Variants in EYS observed in about 807,000 individuals in gnomAD.
EYS encodes EGF-like photoreceptor maintenance factor.
In EYS, 250 loss-of-function variants were observed where a neutral mutation model predicts 282.1. The observed-to-expected ratio is 0.89, with a 90% CI of 0.80 to 0.98. The LOEUF (loss-of-function observed/expected upper bound fraction) is 0.98. EYS is among the 50% of genes least tolerant of loss of function. The pLI is 0.00. For synonymous variants in EYS, 1,355 were observed against 1,282.9 expected (o/e 1.06, Z -1.20); for missense variants, 4,016 against 3,709.0 (o/e 1.08, Z -2.15).
chr6:65,369,853 C>T (rs1212047606), intron 8 of EYS, among the ~76,000 whole-genome samples: 1 of 151,622 alleles, frequency 6.6e-6, no homozygotes, highest in Non-Finnish European at 1.5e-5. Flanking sequence ...CTTCAGGGAT[C>T]TTCCTGATTC....
chr6:64,511,879 C>A (rs890348085), intron 26 of EYS, among the ~76,000 whole-genome samples: 4 of 151,888 alleles, frequency 2.6e-5, no homozygotes, highest in African/African-American at 9.7e-5. Context: ...CAGATGCTAG[C>A]TTCCTAAAAT....
At chr6:65,203,715 G>T (rs1453085839) in intron 12 of EYS, among the ~76,000 whole-genome samples, 2 of 151,938 alleles carry the variant, frequency 1.3e-5, no homozygotes, top group Non-Finnish European at 2.9e-5. Context: ...TCCTAGCAAT[G>T]GATCATAACC....
intron 40 of EYS, among the ~76,000 whole-genome samples, chr6:63,769,309 A>G (rs926821815): frequency 1.3e-5 from 2 of 151,938 alleles, no homozygotes; most frequent in Admixed American, 6.6e-5. Context: ...ATAAGCATCT[A>G]GGGACATGGC....
At chr6:64,341,855 C>CAGTT (rs1407715487) in intron 29 of EYS, among the ~76,000 whole-genome samples, 3 of 151,424 alleles carry the variant, frequency 2.0e-5, no homozygotes, top group Non-Finnish European at 4.4e-5. Flanking sequence ...GAATGGTCAC[C>CAGTT]ATGATACACT....
intron 5 of EYS, among the ~76,000 whole-genome samples, chr6:65,477,097 T>A (rs1371731296): frequency 6.6e-6 from 1 of 152,152 alleles, no homozygotes; most frequent in Non-Finnish European, 1.5e-5. Context: ...TCACTGAGTA[T>A]CACAGACAAG....
rs1050623592 is a variant in EYS at position 63,723,562 on chromosome 6, A to G, written c.8234-1765T>C. The stretch of plus-strand genomic sequence containing the variant: ...ATTAGGAAAGCTGAAGCTGTGATCT[A>G]TACTATCACTGGTCATGTTGCCAAC... On this transcript the variant is annotated intron_variant, in intron 42 of 42. Transcript: ENST00000503581. Among the ~76,000 whole-genome samples the G allele has an allele frequency of 3.9e-5, 6 of 152,188 alleles. No individual in the cohort carries two copies. In the East Asian group the frequency reaches 5.8e-4, roughly 15 times the overall value.
At chr6:65,222,206 A>G (rs929334609) in intron 12 of EYS, among the ~76,000 whole-genome samples, 2 of 152,266 alleles carry the variant, frequency 1.3e-5, no homozygotes, top group East Asian at 1.9e-4. Flanking sequence ...ACTTGAGTGC[A>G]TGAGATTTTG....
At chr6:64,362,951 T>C (rs1455058294) in intron 29 of EYS, among the ~76,000 whole-genome samples, 12 of 151,218 alleles carry the variant, frequency 7.9e-5, no homozygotes, top group Admixed American at 7.3e-4. Flanking sequence ...TTTCCTTTCT[T>C]TTTCCTTCTT....
intron 12 of EYS, among the ~76,000 whole-genome samples, chr6:65,235,246 T>G (rs1260451382): frequency 1.3e-5 from 2 of 152,174 alleles, no homozygotes; most frequent in Non-Finnish European, 2.9e-5. Context: ...CTGATTTACT[T>G]TGTTCAAGTT....
At chr6:64,462,010 T>C (rs1036679043) in intron 26 of EYS, among the ~76,000 whole-genome samples, 1 of 152,288 alleles carries the variant, frequency 6.6e-6, no homozygotes, top group Non-Finnish European at 1.5e-5. Flanking sequence ...TTATCTATAT[T>C]ATACTTGTAA....
At chr6:64,636,978 C>A (rs1168008932) in intron 22 of EYS, among the ~76,000 whole-genome samples, 4 of 124,622 alleles carry the variant, frequency 3.2e-5, no homozygotes, top group Non-Finnish European at 6.8e-5. Context: ...AGGAACACTT[C>A]TTTTACACTG....
chr6:65,057,766 A>G, intron 12 of EYS, 39 bp from the exon 13 acceptor site: 1 of 1,302,808 alleles, frequency 7.7e-7, no homozygotes, highest in Non-Finnish European at 1.1e-6. Context: ...AGTGTTAACA[A>G]GACAGGCATG....
At chr6:64,126,300 A>G (rs1004461309) in intron 31 of EYS, among the ~76,000 whole-genome samples, 1 of 148,670 alleles carries the variant, frequency 6.7e-6, no homozygotes, top group African/African-American at 2.5e-5. Flanking sequence ...ACTTGGAACC[A>G]ACCCAAATGT....
intron 2 of EYS, among the ~76,000 whole-genome samples, chr6:65,591,409 C>G (rs1765230258): frequency 6.6e-6 from 1 of 151,564 alleles, no homozygotes; most frequent in Non-Finnish European, 1.5e-5. Context: ...TCTCATAATG[C>G]CTTTCCATAA....
intron 35 of EYS, among the ~76,000 whole-genome samples, chr6:63,980,330 C>A (rs1034420327): frequency 3.3e-5 from 5 of 151,718 alleles, no homozygotes; most frequent in Non-Finnish European, 7.4e-5. Flanking sequence ...CATTAGGAAG[C>A]ATTCCCCAAC....
At chr6:64,539,580 A>G (rs895387605) in intron 26 of EYS, among the ~76,000 whole-genome samples, 3 of 152,242 alleles carry the variant, frequency 2.0e-5, no homozygotes, top group Middle Eastern at 3.4e-3. Context: ...TAAAGAAGCC[A>G]GAAAAACAAA....
rs112102589 is a variant in EYS at position 64,795,921 on chromosome 6, T to A, written c.3443+17457A>T. Among the ~76,000 whole-genome samples, 564 of 152,282 alleles carry A rather than the reference T, an allele frequency of 3.7e-3. 8 individuals are homozygous for A. The highest frequency in any genetic ancestry group is 0.013 in the African/African-American group (534 of 41,556). On this transcript the variant is annotated intron_variant, in intron 22 of 42. Transcript: ENST00000503581. Reference sequence around the variant, plus strand: ...TATGCATTGTAGAATGATAGCAATCTACAGAAATGGAGAGAGATGCTTTTG... The same window carrying A: ...TATGCATTGTAGAATGATAGCAATCAACAGAAATGGAGAGAGATGCTTTTG...
At chr6:65,622,701 A>G (rs1272399437) in intron 2 of EYS, among the ~76,000 whole-genome samples, 1 of 152,082 alleles carries the variant, frequency 6.6e-6, no homozygotes, top group East Asian at 1.9e-4. Context: ...TGAGTTAATC[A>G]AGAGTAAGAC....
chr6:64,134,243 TATA>T (rs1413442720), intron 31 of EYS, among the ~76,000 whole-genome samples: 3 of 152,092 alleles, frequency 2.0e-5, no homozygotes, highest in Non-Finnish European at 4.4e-5. Context: ...GAGCTATTTT[TATA>T]ATAATATAGA....
Sources: allele counts gnomAD v4.1 joint callset (sites outside exome capture counted in the v4.1 genomes callset), GRCh38; gene constraint gnomAD v4.1.1; transcripts MANE v1.5; gene names NCBI Gene and HGNC (gene_info 2026-07-23, HGNC 2026-07-21).